The following VPS8 variants were observed in gnomAD, a reference collection of about 807,000 sequenced individuals.
The protein encoded by VPS8 is vacuolar protein sorting-associated protein 8 homolog.
A neutral mutation model predicts 216.4 loss-of-function variants in VPS8; 129 were observed. The ratio of observed to expected loss-of-function variants is 0.60; its 90% CI spans 0.52 to 0.69. The LOEUF (loss-of-function observed/expected upper bound fraction) is 0.69, where lower values mean the gene tolerates loss of function less well. VPS8 is among the 30% of genes least tolerant of loss of function. VPS8 has a pLI of 0.00. For synonymous variants in VPS8, 571 were observed against 565.4 expected, an observed-to-expected ratio of 1.01 and a Z score of -0.14; for missense variants, 1,531 against 1,683.5, an observed-to-expected ratio of 0.91 and a Z score of 1.59.
At chr3:185,014,506 A>G (rs1278999934) in intron 45 of VPS8, among the ~76,000 whole-genome samples, 1 of 152,032 alleles carries the variant, frequency 6.6e-6, no homozygotes, top group East Asian at 1.9e-4. Flanking sequence ...TTATTATTTT[A>G]CCTATTTGCC....
chr3:185,012,153 T>A (rs371134703), intron 45 of VPS8, among the ~76,000 whole-genome samples: 8 of 151,020 alleles, frequency 5.3e-5, no homozygotes, highest in African/African-American at 1.9e-4. Flanking sequence ...CAAAAACTCT[T>A]GGTGACCTGT....
intron 17 of VPS8, among the ~76,000 whole-genome samples, 194 bp downstream of exon 17, chr3:184,867,144 T>C (rs1727512832): frequency 6.6e-6 from 1 of 152,236 alleles, no homozygotes; most frequent in Non-Finnish European, 1.5e-5. Context: ...ATTCTTTACT[T>C]TTGTTTAGGT....
At chr3:184,976,516 A>G (rs1225543256) in intron 40 of VPS8, among the ~76,000 whole-genome samples, 2 of 151,890 alleles carry the variant, frequency 1.3e-5, no homozygotes, top group African/African-American at 4.8e-5. Context: ...TTTGTTACCT[A>G]GATATATTGC....
chr3:185,022,483 C>G (rs891673549), intron 45 of VPS8, among the ~76,000 whole-genome samples: 3 of 152,008 alleles, frequency 2.0e-5, no homozygotes, highest in Admixed American at 6.6e-5. Context: ...AGATATAAGG[C>G]TATTCATATT....
At chr3:185,005,641 A>AT (rs1317446423) in intron 45 of VPS8, among the ~76,000 whole-genome samples, 1 of 151,144 alleles carries the variant, frequency 6.6e-6, no homozygotes. Context: ...TTATTTATTT[A>AT]TTTATTTATT....
At chr3:184,944,812 T>C (rs1419542613) in intron 36 of VPS8, among the ~76,000 whole-genome samples, 2 of 152,190 alleles carry the variant, frequency 1.3e-5, no homozygotes, top group Non-Finnish European at 2.9e-5. Context: ...GAGCAAGATA[T>C]AGATTATGGA....
In VPS8 at chr3:184,901,112, T is replaced by A. The variant is rs1734403038; in HGVS notation, c.2146+140T>A. The stretch of plus-strand genomic sequence containing the variant: ...TCATGTAACACCACCATAATCAAGC[T>A]GCAGAAGGAGCCATAGCTTCTCACA... On this transcript the variant is annotated intron_variant, in intron 25 of 47. Coordinates refer to ENST00000625842, the MANE Select transcript of VPS8 (RefSeq NM_001009921.3). 6 of 742,970 alleles carry A rather than the reference T, an allele frequency of 8.1e-6. No homozygotes were observed. In the East Asian group the frequency reaches 1.7e-4, roughly 20 times the overall value. The allele number at this position is 742,970 out of a possible 1,614,324, so 46.0% of individuals were successfully genotyped here. A position where few individuals can be genotyped will look rare whatever the true frequency, so the allele number is the denominator to read the frequency against.
intron 46 of VPS8, among the ~76,000 whole-genome samples, chr3:185,043,220 T>C (rs1329733202): frequency 6.6e-6 from 1 of 152,196 alleles, no homozygotes; most frequent in African/African-American, 2.4e-5. Flanking sequence ...TATCAAGAGT[T>C]ACCCTGTCTC....
At chr3:184,920,041 G>T (rs1738339999) in intron 28 of VPS8, 86 bp from the exon 29 acceptor site, 1 of 982,632 alleles carries the variant, frequency 1.0e-6, no homozygotes, top group Non-Finnish European at 1.5e-6. Context: ...AAATTACTTG[G>T]ATTTTATTAA....
chr3:184,920,978 T>C (rs1738506984), intron 29 of VPS8, among the ~76,000 whole-genome samples: 1 of 152,236 alleles, frequency 6.6e-6, no homozygotes, highest in African/African-American at 2.4e-5. Context: ...TAATTTAACC[T>C]TGTAAGACAG....
At chr3:184,853,302 C>G (rs1338300716) in intron 11 of VPS8, among the ~76,000 whole-genome samples, 1 of 152,144 alleles carries the variant, frequency 6.6e-6, no homozygotes, top group East Asian at 1.9e-4. Context: ...GAAATCACCT[C>G]AGATGGATGT....
At chr3:184,852,628 A>G in intron 11 of VPS8, 61 bp downstream of exon 11, 3 of 1,514,886 alleles carry the variant, frequency 2.0e-6, no homozygotes, top group Non-Finnish European at 2.7e-6. Context: ...TAATGATTTG[A>G]AATTGAACAT....
At chr3:184,854,291 C>A in intron 13 of VPS8, 118 bp downstream of exon 13, 1 of 1,139,352 alleles carries the variant, frequency 8.8e-7, no homozygotes, top group Non-Finnish European at 1.3e-6. Flanking sequence ...GGATGAAAGT[C>A]AGTGCTCCAG....
intron 16 of VPS8, 63 bp downstream of exon 16, chr3:184,863,130 T>C: frequency 7.7e-6 from 12 of 1,568,130 alleles, no homozygotes; most frequent in Non-Finnish European, 1.0e-5. Context: ...TATTTTGTTA[T>C]AGTTGTTTTA....
intron 28 of VPS8, among the ~76,000 whole-genome samples, chr3:184,917,228 A>C (rs1170245770): frequency 6.6e-6 from 1 of 152,204 alleles, no homozygotes; most frequent in African/African-American, 2.4e-5. Flanking sequence ...CAGAGGGCTG[A>C]ATATATAGAA....
At chr3:184,847,227 A>T (rs1376114757) in intron 8 of VPS8, among the ~76,000 whole-genome samples, 1 of 152,088 alleles carries the variant, frequency 6.6e-6, no homozygotes. Context: ...TTGTTTCAGA[A>T]CTCTTTTTTG....
chr3:184,857,877 T>C (rs1042966779), intron 14 of VPS8, among the ~76,000 whole-genome samples: 3 of 152,218 alleles, frequency 2.0e-5, no homozygotes, highest in Non-Finnish European at 2.9e-5. Context: ...AACTTAGATA[T>C]ATGGCTCTAG....
At chr3:185,043,832 T>C (rs1283670876) in intron 46 of VPS8, among the ~76,000 whole-genome samples, 1 of 152,192 alleles carries the variant, frequency 6.6e-6, no homozygotes, top group African/African-American at 2.4e-5. Flanking sequence ...CACAGGAGCT[T>C]GATTAGGCAA....
chr3:185,028,409 A>C (rs761173725), intron 46 of VPS8, among the ~76,000 whole-genome samples: 1 of 152,224 alleles, frequency 6.6e-6, no homozygotes, highest in African/African-American at 2.4e-5. Flanking sequence ...ATGGTTCTGC[A>C]TGTCTTCAGT....
Sources: allele counts gnomAD v4.1 joint callset (sites outside exome capture counted in the v4.1 genomes callset), GRCh38; gene constraint gnomAD v4.1.1; transcripts MANE v1.5; gene names NCBI Gene and HGNC (gene_info 2026-07-23, HGNC 2026-07-21).